PRKG1: variants seen among roughly 807,000 people sequenced by gnomAD.
PRKG1 encodes protein kinase cGMP-dependent 1.
In PRKG1, 35 loss-of-function variants were observed where a neutral mutation model predicts 88.1. The ratio of observed to expected loss-of-function variants is 0.40; its 90% CI spans 0.30 to 0.53. The LOEUF is 0.53. Ranked by LOEUF, PRKG1 falls within the 20% of genes least tolerant of loss-of-function variation. PRKG1 has a pLI of 0.59. For synonymous variants in PRKG1, 303 were observed against 292.5 expected, an observed-to-expected ratio of 1.04 and a Z score of -0.37; for missense variants, 540 against 839.8, an observed-to-expected ratio of 0.64 and a Z score of 4.41.
In PRKG1 at chr10:51,335,430, T is replaced by C. The variant is rs899625764; in HGVS notation, c.479-132293T>C. Among the ~76,000 whole-genome samples, 3 of 152,316 alleles carry C rather than the reference T, an allele frequency of 2.0e-5. No individual in the cohort carries two copies. The South Asian group carries it at 6.2e-4, about 32-fold the overall frequency. On this transcript the variant is annotated intron_variant, in intron 2 of 17. Transcript: ENST00000373980. ...TGAGTTTTTAAACTTTTCTAAAATA[T>C]TACTTACCAAAATATTTTCCTCTGT...
chr10:51,238,936 G>A (rs1395669179), intron 2 of PRKG1, among the ~76,000 whole-genome samples: 1 of 149,978 alleles, frequency 6.7e-6, no homozygotes, highest in African/African-American at 2.5e-5. Flanking sequence ...TTTAATTTTG[G>A]TATGTTTAGA....
chr10:52,174,712 C>T (rs1394928339), intron 9 of PRKG1, among the ~76,000 whole-genome samples: 1 of 151,960 alleles, frequency 6.6e-6, no homozygotes, highest in Non-Finnish European at 1.5e-5. Flanking sequence ...GCTTCCTCCT[C>T]CAAGAAGCAC....
At chr10:51,741,587 G>T (rs10999189) in intron 3 of PRKG1, among the ~76,000 whole-genome samples, 11,611 of 152,058 alleles carry the variant, frequency 0.076, 484 homozygotes, top group East Asian at 0.089. Flanking sequence ...GTTTTAAGAC[G>T]TCCACAAGGC....
intron 1 of PRKG1, among the ~76,000 whole-genome samples, chr10:51,107,810 C>CAAAAAAA (rs150587434): frequency 2.1e-4 from 13 of 63,268 alleles, no homozygotes; most frequent in Non-Finnish European, 2.4e-4. Flanking sequence ...AACCCTGTCT[C>CAAAAAAA]AAAAAAAAAA....
At chr10:51,795,682 A>G (rs966845143) in intron 3 of PRKG1, among the ~76,000 whole-genome samples, 3 of 152,082 alleles carry the variant, frequency 2.0e-5, no homozygotes, top group African/African-American at 7.2e-5. Flanking sequence ...GTCAAGCATC[A>G]GTAAAGTGGG....
rs114993372 is a variant in PRKG1, at chr10:51,614,782, C to A, written c.592+146946C>A. On this transcript the variant is annotated intron_variant, in intron 3 of 17. Coordinates refer to ENST00000373980, the MANE Select transcript of PRKG1 (RefSeq NM_006258.4). ...AGATTTAGGATTCTCTTGAGCATTTCTGCCAAAGCTGACCTAGTGGTCATG... is the reference window on the plus strand; with the variant it reads ...AGATTTAGGATTCTCTTGAGCATTTATGCCAAAGCTGACCTAGTGGTCATG... Among the ~76,000 whole-genome samples the A allele has an allele frequency of 1.9e-3, 295 of 152,102 alleles. 1 individual carries two copies. The highest frequency in any genetic ancestry group is 6.7e-3 in the African/African-American group (278 of 41,536).
chr10:52,048,822 T>G (rs1174023977), intron 5 of PRKG1, among the ~76,000 whole-genome samples: 1 of 152,118 alleles, frequency 6.6e-6, no homozygotes, highest in Non-Finnish European at 1.5e-5. Flanking sequence ...CCTCCTAATC[T>G]CTGATTTATA....
chr10:51,654,029 C>A (rs1164329224), intron 3 of PRKG1, among the ~76,000 whole-genome samples: 1 of 151,928 alleles, frequency 6.6e-6, no homozygotes, highest in Admixed American at 6.6e-5. Context: ...CATGCAGAAG[C>A]TTTTTAGTTT....
At chr10:52,139,105 T>C (rs772808047) in intron 8 of PRKG1, among the ~76,000 whole-genome samples, 5 of 152,114 alleles carry the variant, frequency 3.3e-5, no homozygotes, top group Non-Finnish European at 7.4e-5. Context: ...GCATTAGAGC[T>C]AGACTAGGCA....
chr10:51,044,226 A>C (rs1240027615), intron 1 of PRKG1, among the ~76,000 whole-genome samples: 2 of 152,102 alleles, frequency 1.3e-5, no homozygotes, highest in Admixed American at 1.3e-4. Flanking sequence ...TATGTGCCCC[A>C]GTGCTTCCCC....
chr10:51,559,938 C>G (rs902603777), intron 3 of PRKG1, among the ~76,000 whole-genome samples: 1 of 152,106 alleles, frequency 6.6e-6, no homozygotes, highest in Non-Finnish European at 1.5e-5. Flanking sequence ...TCCCTGATCA[C>G]TCATTTGCAT....
At chr10:51,812,306 G>C (rs183429033) in intron 4 of PRKG1, among the ~76,000 whole-genome samples, 2 of 152,186 alleles carry the variant, frequency 1.3e-5, no homozygotes, top group Non-Finnish European at 2.9e-5. Context: ...TTAAAGAAGT[G>C]GTAGTCAGTT....
intron 3 of PRKG1, among the ~76,000 whole-genome samples, chr10:51,631,490 T>A (rs1483653793): frequency 6.6e-6 from 1 of 152,208 alleles, no homozygotes; most frequent in East Asian, 1.9e-4. Context: ...TGCCACCAGA[T>A]GCAGCTTAAT....
intron 3 of PRKG1, chr10:51,698,023 C>G (rs766954947): frequency 1.2e-6 from 2 of 1,614,010 alleles, no homozygotes; most frequent in South Asian, 2.2e-5. Context: ...TGCCTGTACC[C>G]TGCATACCAG....
chr10:51,710,727 A>G (rs181805143), intron 3 of PRKG1, among the ~76,000 whole-genome samples: 133 of 152,382 alleles, frequency 8.7e-4, no homozygotes, highest in African/African-American at 3.1e-3. Context: ...ATTGTGCTTT[A>G]AGCAAATGAT....
chr10:51,605,059 A>C lies in PRKG1; in HGVS notation c.592+137223A>C, dbSNP rs567284362. On this transcript the variant is annotated intron_variant, in intron 3 of 17. Transcript: ENST00000373980. ...GAGCCAGAAGAGGGGATGGAATGGG[A>C]AGGTGGTCCTCCCCTGGAGTCGGGC... Among the ~76,000 whole-genome samples the C allele has an allele frequency of 3.3e-5, 5 of 152,218 alleles. No homozygotes were observed. The South Asian group carries it at 1.0e-3, about 32-fold the overall frequency.
intron 7 of PRKG1, among the ~76,000 whole-genome samples, chr10:52,086,983 A>G (rs10762554): frequency 0.46 from 69,758 of 151,834 alleles, 17,748 homozygotes; most frequent in East Asian, 0.67. Flanking sequence ...TCTTGTGAGA[A>G]CTCACTCACT....
chr10:51,838,288 GTTGTT>G (rs1289327996), intron 4 of PRKG1, among the ~76,000 whole-genome samples: 1 of 152,030 alleles, frequency 6.6e-6, no homozygotes, highest in Non-Finnish European at 1.5e-5. Context: ...GTTATTTGTG[GTTGTT>G]TTGTTTTTGT....
chr10:52,204,746 G>A (rs984220557), intron 9 of PRKG1, among the ~76,000 whole-genome samples: 10 of 152,088 alleles, frequency 6.6e-5, no homozygotes, highest in Admixed American at 2.6e-4. Flanking sequence ...AATTGTGCAC[G>A]CAAATTGTGA....
Sources: gnomAD v4.1 joint callset for allele counts (sites outside exome capture counted in the v4.1 genomes callset) on GRCh38, gnomAD v4.1.1 for gene constraint, MANE v1.5 for transcripts, NCBI Gene and HGNC (gene_info 2026-07-23, HGNC 2026-07-21) for gene names.